GARIN5A: variants seen among roughly 807,000 people sequenced by gnomAD.
The protein encoded by GARIN5A is golgi associated RAB2 interactor 5A, also known as Golgi-associated RAB2 interactor protein 5A.
chr19:50,475,016 C>T, the GARIN5A span, among the ~76,000 whole-genome samples: 1 of 152,190 alleles, frequency 6.6e-6, no homozygotes, highest in Non-Finnish European at 1.5e-5. Flanking sequence ...GATATGAGGT[C>T]AGAGGTGAGA....
the GARIN5A span, among the ~76,000 whole-genome samples, chr19:50,468,670 C>T: frequency 6.6e-6 from 1 of 152,138 alleles, no homozygotes; most frequent in Non-Finnish European, 1.5e-5. Flanking sequence ...GTGGCACGGT[C>T]ATAGCTCACT....
chr19:50,470,717 C>T, the GARIN5A span, among the ~76,000 whole-genome samples: 13 of 144,034 alleles, frequency 9.0e-5, no homozygotes, highest in East Asian at 2.1e-4. Context: ...TGTAATGGCG[C>T]GATCTTGGCT....
At chr19:50,474,346 ATT>A in the GARIN5A span, among the ~76,000 whole-genome samples, 10 of 124,350 alleles carry the variant, frequency 8.0e-5, no homozygotes, top group Admixed American at 1.6e-4. Context: ...CACCTGGCTA[ATT>A]TTTTTTTTTT....
At chr19:50,474,377 GCT>G in the GARIN5A span, among the ~76,000 whole-genome samples, 1 of 132,260 alleles carries the variant, frequency 7.6e-6, no homozygotes. Context: ...ATGGAGTCTC[GCT>G]CTGTCGCCCA....
the GARIN5A span, among the ~76,000 whole-genome samples, chr19:50,471,678 ATG>A: frequency 0.017 from 2,626 of 151,422 alleles, 203 homozygotes; most frequent in African/African-American, 0.06. Flanking sequence ...ATACGCATAC[ATG>A]CACGTGTGTG....
the GARIN5A span, chr19:50,475,940 C>A: frequency 1.2e-6 from 2 of 1,612,514 alleles, no homozygotes; most frequent in Non-Finnish European, 1.7e-6. Context: ...GAGGCTGCAA[C>A]CAGGAGGCAT....
the GARIN5A span, chr19:50,467,850 G>C: frequency 6.2e-7 from 1 of 1,610,022 alleles, no homozygotes; most frequent in East Asian, 2.2e-5. Context: ...GGAAGGGGCG[G>C]CCTCAGGTTC....
At chr19:50,472,008 ATATACG>A in the GARIN5A span, among the ~76,000 whole-genome samples, 1 of 149,496 alleles carries the variant, frequency 6.7e-6, no homozygotes, top group African/African-American at 2.5e-5. Flanking sequence ...GTGTATGTAT[ATATACG>A]TGTGTATATG....
chr19:50,475,887 G>A, the GARIN5A span: 4 of 1,613,974 alleles, frequency 2.5e-6, no homozygotes, highest in Non-Finnish European at 3.4e-6. Context: ...CGAATTCGCC[G>A]CTCTGGAGGT....
the GARIN5A span, chr19:50,475,868 G>A: frequency 1.9e-6 from 3 of 1,613,944 alleles, no homozygotes; most frequent in South Asian, 2.2e-5. Flanking sequence ...GGGAAGTCCC[G>A]AAACTGGTCG....
chr19:50,475,894 A>T, the GARIN5A span: 1 of 1,613,908 alleles, frequency 6.2e-7, no homozygotes, highest in Non-Finnish European at 8.5e-7. Flanking sequence ...GCCGCTCTGG[A>T]GGTAGCGTTG....
chr19:50,471,575 T>C, the GARIN5A span, among the ~76,000 whole-genome samples: 2 of 152,180 alleles, frequency 1.3e-5, no homozygotes, highest in Admixed American at 6.5e-5. Flanking sequence ...CAGCCTCTAC[T>C]GCTGTTTTTA....
At chr19:50,467,791 T>G in the GARIN5A span, 1 of 1,613,032 alleles carries the variant, frequency 6.2e-7, no homozygotes, top group Non-Finnish European at 8.5e-7. Context: ...CCGGCTTTTG[T>G]CGTGGACAAA....
At chr19:50,467,455 G>GCT in the GARIN5A span, 1 of 760,724 alleles carries the variant, frequency 1.3e-6, no homozygotes, top group Non-Finnish European at 2.1e-6. Context: ...CTCAGACCCA[G>GCT]GAGTCCAGGA....
the GARIN5A span, among the ~76,000 whole-genome samples, chr19:50,474,773 C>T: frequency 6.6e-6 from 1 of 152,134 alleles, no homozygotes; most frequent in Admixed American, 6.6e-5. Context: ...AGGTGTGGGC[C>T]ACCGCACCCG....
chr19:50,476,363 A>G, the GARIN5A span: 5 of 1,571,320 alleles, frequency 3.2e-6, no homozygotes, highest in Middle Eastern at 5.1e-4. Context: ...CGGCTCCTGG[A>G]GATCAGGCCA....
At chr19:50,476,167 C>T in the GARIN5A span, 1 of 1,613,710 alleles carries the variant, frequency 6.2e-7, no homozygotes, top group Non-Finnish European at 8.5e-7. Context: ...CAGCTCCACC[C>T]AGGGCCGGCT....
chr19:50,472,159 T>TATGTATACGTGTGTATATGC, the GARIN5A span, among the ~76,000 whole-genome samples: 6 of 148,034 alleles, frequency 4.1e-5, no homozygotes, highest in African/African-American at 1.5e-4. Flanking sequence ...TGTGTATATG[T>TATGTATACGTGTGTATATGC]ATGTATACGT....
the GARIN5A span, chr19:50,476,068 C>A: frequency 6.2e-7 from 1 of 1,608,338 alleles, no homozygotes; most frequent in African/African-American, 1.3e-5. Context: ...GAATTGCCGG[C>A]CCCATCCTAC....
Sources: gnomAD v4.1 joint callset for allele counts (sites outside exome capture counted in the v4.1 genomes callset) on GRCh38, gnomAD v4.1.1 for gene constraint, MANE v1.5 for transcripts, NCBI Gene and HGNC (gene_info 2026-07-23, HGNC 2026-07-21) for gene names.